The following CSMD1 variants were observed in gnomAD, a reference collection of about 807,000 sequenced individuals.
CSMD1 encodes the protein CUB and Sushi multiple domains 1.
In CSMD1, 213 loss-of-function variants were observed where a neutral mutation model predicts 417.5. The observed-to-expected ratio is 0.51, with a 90% CI of 0.46 to 0.57. The LOEUF (loss-of-function observed/expected upper bound fraction) is 0.57, where lower values mean the gene tolerates loss of function less well. Ranked by LOEUF, CSMD1 falls within the 20% of genes least tolerant of loss-of-function variation. CSMD1 has a pLI of 0.00. For synonymous variants in CSMD1, 2,862 were observed against 1,736.8 expected (o/e 1.65, Z -16.11); for missense variants, 6,923 against 4,529.7 (o/e 1.53, Z -15.17).
At chr8:4,151,922 A>C (rs964353817) in intron 3 of CSMD1, among the ~76,000 whole-genome samples, 1 of 152,176 alleles carries the variant, frequency 6.6e-6, no homozygotes, top group Non-Finnish European at 1.5e-5. Context: ...CTATCAGCAG[A>C]GATAAGTTTT....
intron 2 of CSMD1, among the ~76,000 whole-genome samples, chr8:4,453,827 T>G (rs1371915181): frequency 1.5e-5 from 2 of 132,100 alleles, no homozygotes; most frequent in South Asian, 2.7e-4. Flanking sequence ...TTTTTTTTTT[T>G]TTTTTTTTTT....
At chr8:3,990,804 A>C (rs1445628739) in intron 5 of CSMD1, among the ~76,000 whole-genome samples, 1 of 152,102 alleles carries the variant, frequency 6.6e-6, no homozygotes, top group Non-Finnish European at 1.5e-5. Flanking sequence ...GGAGGGCAGG[A>C]AATAATTCCT....
intron 25 of CSMD1, among the ~76,000 whole-genome samples, chr8:3,305,330 G>C (rs888490971): frequency 6.6e-6 from 1 of 152,136 alleles, no homozygotes; most frequent in African/African-American, 2.4e-5. Flanking sequence ...TTTAAAATGA[G>C]TTATTATAAA....
rs116755693 is a variant in CSMD1 at position 4,691,336 on chromosome 8, G to A, written c.86-53778C>T. Among the ~76,000 whole-genome samples the A allele has an allele frequency of 2.3e-3, 357 of 152,188 alleles. 4 individuals carry two copies. Among genetic ancestry groups the A allele is most frequent in the African/African-American group, 8.4e-3 (347 of 41,506 alleles). ...TTCTTTCCTGATAACCTCTACCACA[G>A]GCTGTTATTTCAAAGTCACTGGGCC... On this transcript the variant is annotated intron_variant, in intron 1 of 69. Coordinates refer to ENST00000635120, the MANE Select transcript of CSMD1 (RefSeq NM_033225.6).
intron 10 of CSMD1, among the ~76,000 whole-genome samples, chr8:3,500,781 G>A (rs1005135197): frequency 4.6e-5 from 7 of 152,190 alleles, no homozygotes; most frequent in Non-Finnish European, 1.0e-4. Context: ...GAACAGCAGA[G>A]TTGTAGGCAT....
intron 2 of CSMD1, among the ~76,000 whole-genome samples, chr8:4,449,231 C>G (rs1174532991): frequency 1.3e-5 from 2 of 152,156 alleles, no homozygotes; most frequent in Non-Finnish European, 2.9e-5. Context: ...AATAATTACA[C>G]TGTCTATGCT....
At chr8:3,919,914 A>C (rs1219505911) in intron 5 of CSMD1, among the ~76,000 whole-genome samples, 1 of 151,962 alleles carries the variant, frequency 6.6e-6, no homozygotes, top group African/African-American at 2.4e-5. Flanking sequence ...TTTTTTTGGG[A>C]ATTTCTTTAT....
intron 3 of CSMD1, among the ~76,000 whole-genome samples, chr8:4,066,741 T>C (rs890152611): frequency 1.3e-5 from 2 of 152,064 alleles, no homozygotes; most frequent in African/African-American, 4.8e-5. Context: ...AAGACTGAGA[T>C]GCAATCCAAA....
chr8:4,265,965 G>A lies in CSMD1; in HGVS notation c.415+153988C>T, dbSNP rs550164744. ...GAGACGGGGAACCATGGCCCCCACT[G>A]TATTCCATGCCTACTTTGTGTGCGT... is the stretch of plus-strand genomic sequence containing the variant. On this transcript the variant is annotated intron_variant, in intron 3 of 69. Coordinates refer to ENST00000635120, the MANE Select transcript of CSMD1 (RefSeq NM_033225.6). Among the ~76,000 whole-genome samples the A allele has an allele frequency of 1.4e-4, 14 of 103,256 alleles. 7 individuals carry two copies. The highest frequency in any genetic ancestry group is 1.3e-3 in the Admixed American group (14 of 10,804). 67.7% of individuals were successfully genotyped at this position (103,256 alleles called of 152,430 possible).
intron 4 of CSMD1, among the ~76,000 whole-genome samples, chr8:4,019,562 G>T (rs191225814): frequency 2.0e-5 from 3 of 152,134 alleles, no homozygotes; most frequent in African/African-American, 4.8e-5. Flanking sequence ...CTGAGCTGTC[G>T]TATCTGTGTT....
intron 48 of CSMD1, among the ~76,000 whole-genome samples, chr8:3,087,739 C>G (rs1379436841): frequency 6.6e-6 from 1 of 152,164 alleles, no homozygotes; most frequent in Non-Finnish European, 1.5e-5. Context: ...TGTATGCAGC[C>G]CACAGGCTGC....
intron 1 of CSMD1, among the ~76,000 whole-genome samples, chr8:4,784,293 G>C (rs575082313): frequency 1.3e-5 from 2 of 152,184 alleles, no homozygotes; most frequent in Admixed American, 6.5e-5. Context: ...TATAACTAAA[G>C]ATTTGGCTCC....
chr8:4,142,842 G>A (rs1233458756), intron 3 of CSMD1, among the ~76,000 whole-genome samples: 3 of 151,120 alleles, frequency 2.0e-5, no homozygotes, highest in African/African-American at 7.4e-5. Flanking sequence ...TTCTTAAATT[G>A]TTGTGCTGTT....
intron 5 of CSMD1, among the ~76,000 whole-genome samples, chr8:3,829,831 T>A (rs918064252): frequency 5.9e-5 from 9 of 152,184 alleles, no homozygotes; most frequent in Non-Finnish European, 1.2e-4. Flanking sequence ...AAGTTCGTTT[T>A]AAGAAAGCTC....
chr8:3,157,137 C>G (rs1819585810), intron 39 of CSMD1, among the ~76,000 whole-genome samples: 2 of 152,052 alleles, frequency 1.3e-5, no homozygotes, highest in Non-Finnish European at 2.9e-5. Context: ...CCTACTGAGA[C>G]AGTACCTGCA....
At chr8:4,052,575 G>A (rs1046245396) in intron 3 of CSMD1, among the ~76,000 whole-genome samples, 5 of 152,100 alleles carry the variant, frequency 3.3e-5, no homozygotes, top group Admixed American at 2.6e-4. Context: ...AGAAAATCAC[G>A]AAATTCTTGC....
At chr8:3,515,165 G>A (rs1051271000) in intron 10 of CSMD1, 1 of 152,180 alleles carries the variant, frequency 6.6e-6, no homozygotes, top group Non-Finnish European at 1.5e-5. Flanking sequence ...AAGTAGTCAT[G>A]AAAGTCCTAC....
chr8:4,623,960 T>C (rs961504867), intron 2 of CSMD1, among the ~76,000 whole-genome samples: 5 of 152,084 alleles, frequency 3.3e-5, no homozygotes, highest in Admixed American at 2.6e-4. Flanking sequence ...CAATTTAAAA[T>C]TTTCAATATC....
At chr8:4,725,056 G>A (rs1440143576) in intron 1 of CSMD1, among the ~76,000 whole-genome samples, 1 of 151,964 alleles carries the variant, frequency 6.6e-6, no homozygotes, top group African/African-American at 2.4e-5. Flanking sequence ...ACATAAAAGG[G>A]GAAATGTGTG....
Sources: gnomAD v4.1 joint callset for allele counts (sites outside exome capture counted in the v4.1 genomes callset) on GRCh38, gnomAD v4.1.1 for gene constraint, MANE v1.5 for transcripts, NCBI Gene and HGNC (gene_info 2026-07-23, HGNC 2026-07-21) for gene names.